The following SCN1A variants were observed in gnomAD, a reference collection of about 807,000 sequenced individuals.
SCN1A encodes sodium voltage-gated channel alpha subunit 1.
Under a neutral mutation model 193.7 loss-of-function variants are expected in SCN1A, and 13 were observed. The observed-to-expected ratio is 0.07, with a 90% CI of 0.04 to 0.11. The LOEUF is 0.11. SCN1A is among the 10% of genes least tolerant of loss of function. The pLI is 1.00. For synonymous variants in SCN1A, 781 were observed against 843.6 expected (o/e 0.93, Z 1.29); for missense variants, 1,432 against 2,451.1 (o/e 0.58, Z 8.78).
chr2:166,145,142 ATT>A (rs10527781), intron 1 of SCN1A, among the ~76,000 whole-genome samples: 196 of 128,762 alleles, frequency 1.5e-3, no homozygotes, highest in East Asian at 3.7e-3. Context: ...GGCCTAAGTA[ATT>A]TTTTTTTTTT....
Position 166,039,403 on chromosome 2 carries a change from CT to C in SCN1A, c.2589+19del, listed in dbSNP as rs3032638. On this transcript the variant is annotated intron_variant, in intron 17 of 28. Transcript: ENST00000674923. ...GTTAGAAAGGTTTTTGAATTTGGTG[CT>C]TTTTTTTTTTTTTTTTACCAATCGA... is the stretch of plus-strand genomic sequence containing the variant. The C allele has an allele frequency of 0.051, 76,395 of 1,498,476 alleles. 7 individuals carry two copies. Among genetic ancestry groups the C allele is most frequent in the Middle Eastern group, 0.11 (536 of 5,014 alleles). The allele number at this position is 1,498,476 out of a possible 1,614,324, so 92.8% of individuals were successfully genotyped here.
Position 166,098,864 on chromosome 2 carries a change from C to T in SCN1A, c.-141-21063G>A, listed in dbSNP as rs575811991. Among the ~76,000 whole-genome samples the T allele has an allele frequency of 1.5e-3, 228 of 152,216 alleles. 1 individual carries two copies. Among genetic ancestry groups the T allele is most frequent in the African/African-American group, 5.2e-3 (218 of 41,536 alleles). ...CACTGATGAAAGAAATCAGAGATGG[C>T]ACACACAAATAGAAAAACATTCCAT... is the stretch of plus-strand genomic sequence containing the variant. On this transcript the variant is annotated intron_variant, in intron 2 of 28. Coordinates refer to ENST00000674923, the MANE Select transcript of SCN1A (RefSeq NM_001165963.4).
In SCN1A at chr2:166,043,729, T is replaced by C. The variant is rs906194323; in HGVS notation, c.1983A>G (p.Thr661=). The part of the protein sequence containing the change: ...VSLVGGPSVP[T]SPVGQLLPEV... Reference sequence around the variant, plus strand: ...CTGGCAGAAGCTGTCCAACAGGCGATGTAGGAACTGAAGGTCCACCAACCA... The same window carrying C: ...CTGGCAGAAGCTGTCCAACAGGCGACGTAGGAACTGAAGGTCCACCAACCA... Residue 661 remains threonine, a synonymous_variant, in exon 14 of 29, where the codon ACA becomes ACG. Transcript: ENST00000674923. The C allele has an allele frequency of 6.2e-7, 1 of 1,614,186 alleles. No individual in the cohort carries two copies. The highest frequency in any genetic ancestry group is 8.5e-7 in the Non-Finnish European group (1 of 1,180,022).
chr2:166,039,798 A>C (rs1696916286), intron 16 of SCN1A, among the ~76,000 whole-genome samples: 1 of 152,150 alleles, frequency 6.6e-6, no homozygotes, highest in South Asian at 2.1e-4. Context: ...AGTAGATAAT[A>C]TACAATTATT....
At position 166,014,019 on chromosome 2, in the gene SCN1A, C is replaced by G. The variant is rs568634057; in HGVS notation, c.3551-121G>C. ...ATCTCTGTCTTGCTAGCATAGCTCT[C>G]TAAGCCTAGAGTAGTAAGAGCACAT... On this transcript the variant is annotated intron_variant, in intron 20 of 28. Coordinates refer to ENST00000674923, the MANE Select transcript of SCN1A (RefSeq NM_001165963.4). 1.7e-5 allele frequency: 20 copies of G among 1,205,240 alleles called. No individual in the cohort carries two copies. The East Asian group carries it at 4.7e-4, about 28-fold the overall frequency. 74.7% of individuals were successfully genotyped at this position (1,205,240 alleles called of 1,614,324 possible). A position where few individuals can be genotyped will look rare whatever the true frequency, so the allele number is the denominator to read the frequency against.
At chr2:166,080,684 A>G (rs184813716) in intron 2 of SCN1A, among the ~76,000 whole-genome samples, 71 of 151,888 alleles carry the variant, frequency 4.7e-4, no homozygotes, top group Non-Finnish European at 8.0e-4. Context: ...TCATGGGGGA[A>G]AAAAAAGATT....
upstream of SCN1A, among the ~76,000 whole-genome samples, chr2:166,130,005 G>A (rs1233498117): frequency 6.6e-6 from 1 of 152,162 alleles, no homozygotes; most frequent in African/African-American, 2.4e-5. Flanking sequence ...AGGACCAGGT[G>A]GACCAGGATA....
At chr2:166,008,631 T>C (rs530488083) in intron 23 of SCN1A, among the ~76,000 whole-genome samples, 1 of 151,248 alleles carries the variant, frequency 6.6e-6, no homozygotes, top group African/African-American at 2.4e-5. Flanking sequence ...TTTTCATATA[T>C]GTTAGGGAAA....
intron 19 of SCN1A, 123 bp from the exon 20 acceptor site, chr2:166,015,850 A>G: frequency 9.4e-7 from 1 of 1,069,142 alleles, no homozygotes; most frequent in Non-Finnish European, 1.4e-6. Flanking sequence ...ATTTTTAGAG[A>G]AAAAGAGAGA....
chr2:166,104,614 G>A (rs1018345207), intron 2 of SCN1A, among the ~76,000 whole-genome samples: 5 of 152,090 alleles, frequency 3.3e-5, no homozygotes, highest in African/African-American at 1.2e-4. Flanking sequence ...ATGGTGGTGC[G>A]TTTGTGTAGT....
At chr2:166,001,958 G>A (rs528863645) in intron 24 of SCN1A, among the ~76,000 whole-genome samples, 1 of 129,746 alleles carries the variant, frequency 7.7e-6, no homozygotes, top group South Asian at 2.6e-4. Flanking sequence ...GGCACCCACC[G>A]CTATGCCTGG....
intron 1 of SCN1A, 22 bp from the exon 2 acceptor site, chr2:166,127,032 A>G (rs1691325805): frequency 6.6e-6 from 1 of 152,242 alleles, no homozygotes; most frequent in Non-Finnish European, 1.5e-5. Context: ...GACGGTTCAC[A>G]CTAGGAACTG....
intron 14 of SCN1A, among the ~76,000 whole-genome samples, chr2:166,042,704 A>T (rs1697325679): frequency 6.6e-6 from 1 of 152,222 alleles, no homozygotes; most frequent in African/African-American, 2.4e-5. Flanking sequence ...CTCTTAAGAG[A>T]TATATTTAAC....
intron 19 of SCN1A, among the ~76,000 whole-genome samples, chr2:166,032,224 C>CACACAT (rs1695711273): frequency 1.9e-5 from 2 of 107,052 alleles, no homozygotes; most frequent in African/African-American, 6.1e-5. Context: ...CACACACACA[C>CACACAT]ACACACACAC....
intron 1 of SCN1A, among the ~76,000 whole-genome samples, chr2:166,140,868 C>T (rs1692051880): frequency 6.6e-6 from 1 of 152,126 alleles, no homozygotes. Flanking sequence ...ATTTTAAAAC[C>T]TTGCTTCTGA....
At chr2:166,008,835 T>C (rs1692013087) in intron 23 of SCN1A, among the ~76,000 whole-genome samples, 1 of 150,440 alleles carries the variant, frequency 6.6e-6, no homozygotes, top group Non-Finnish European at 1.5e-5. Context: ...GTGTTTTGTT[T>C]TGATAATATT....
chr2:166,041,607 A>C, intron 15 of SCN1A, 138 bp from the exon 16 acceptor site: 1 of 675,640 alleles, frequency 1.5e-6, no homozygotes, highest in South Asian at 1.8e-5. Flanking sequence ...ACTTGTTAAA[A>C]AAATTACAGT....
intron 1 of SCN1A, among the ~76,000 whole-genome samples, chr2:166,142,183 C>T (rs982469891): frequency 6.6e-6 from 1 of 152,132 alleles, no homozygotes; most frequent in East Asian, 1.9e-4. Context: ...GGGCCTGGCA[C>T]ACCTGCTAAA....
intron 4 of SCN1A, among the ~76,000 whole-genome samples, chr2:166,065,405 TC>T (rs767008179): frequency 2.0e-5 from 3 of 152,108 alleles, no homozygotes; most frequent in South Asian, 2.1e-4. Context: ...TGGGGACATT[TC>T]TTATGCTGGG....
Sources: gnomAD v4.1 joint callset for allele counts (sites outside exome capture counted in the v4.1 genomes callset) on GRCh38, gnomAD v4.1.1 for gene constraint, MANE v1.5 for transcripts, NCBI Gene and HGNC (gene_info 2026-07-23, HGNC 2026-07-21) for gene names.